Variants in ERBB4 observed in about 807,000 individuals in gnomAD.
ERBB4 encodes erb-b2 receptor tyrosine kinase 4.
ERBB4 carries 42 observed loss-of-function variants against 158.0 expected under a neutral mutation model. The observed-to-expected ratio is 0.27, with a 90% CI of 0.21 to 0.34. The LOEUF is 0.34. Among genes scored for constraint, ERBB4 ranks in the 10% least tolerant of loss-of-function variants. The pLI, the probability that ERBB4 is intolerant of heterozygous loss-of-function variation, is 1.00. For missense variants in ERBB4, 1,333 were observed against 1,624.1 expected (o/e 0.82, Z 3.08); for synonymous variants, 583 against 558.7 (o/e 1.04, Z -0.61).
intron 3 of ERBB4, among the ~76,000 whole-genome samples, chr2:211,830,082 C>T (rs2077186978): frequency 6.6e-6 from 1 of 152,182 alleles, no homozygotes; most frequent in Non-Finnish European, 1.5e-5. Context: ...CCTATCCTAA[C>T]ACTAGCACAC....
rs2125303285 is a variant in ERBB4 at position 211,381,757 on chromosome 2, TA to T, written c.*1857del. ...TTTCTCTAAACTTTCTCTGCCTTAA[TA>T]GATATTTTTACTCTAATTAATTAAT... On this transcript the variant is annotated 3_prime_UTR_variant, in exon 28 of 28. Transcript: ENST00000342788. 1 of 231,046 alleles carries T rather than the reference TA, an allele frequency of 4.3e-6. No homozygotes were observed. Among genetic ancestry groups the T allele is most frequent in the East Asian group, 6.2e-5 (1 of 16,222 alleles). The allele number at this position is 231,046 out of a possible 1,614,324, so 14.3% of individuals were successfully genotyped here.
At chr2:211,955,416 T>C (rs927564092) in intron 2 of ERBB4, among the ~76,000 whole-genome samples, 3 of 152,004 alleles carry the variant, frequency 2.0e-5, no homozygotes, top group Admixed American at 2.0e-4. Flanking sequence ...GGGTTAATAG[T>C]CCCCCTTCAG....
At chr2:211,752,431 A>G (rs1241808975) in intron 4 of ERBB4, among the ~76,000 whole-genome samples, 3 of 150,600 alleles carry the variant, frequency 2.0e-5, no homozygotes, top group Non-Finnish European at 4.4e-5. Flanking sequence ...TTATTTAATT[A>G]TGTTTGGGGC....
chr2:211,679,469 G>A lies in ERBB4; in HGVS notation c.1490-285C>T, dbSNP rs551047898. On this transcript the variant is annotated intron_variant, in intron 12 of 27. Coordinates refer to ENST00000342788, the MANE Select transcript of ERBB4 (RefSeq NM_005235.3). The stretch of plus-strand genomic sequence containing the variant: ...GGAGGACAGGTGATATAAATTATCT[G>A]TCCAAGCTAAAGAATAAACCACACT... Among the ~76,000 whole-genome samples, 112 of 152,192 alleles carry A rather than the reference G, an allele frequency of 7.4e-4. 4 individuals are homozygous for A. In the South Asian group the frequency reaches 0.021, roughly 28 times the overall value.
chr2:211,836,400 G>C (rs1004425285), intron 3 of ERBB4, among the ~76,000 whole-genome samples: 7 of 152,052 alleles, frequency 4.6e-5, no homozygotes, highest in African/African-American at 1.7e-4. Context: ...GTTACACAGA[G>C]AGCATTCTTC....
intron 3 of ERBB4, among the ~76,000 whole-genome samples, chr2:211,936,888 T>G (rs1461505756): frequency 3.3e-5 from 5 of 152,148 alleles, no homozygotes. Flanking sequence ...TATTTCCTGA[T>G]AGATACAGAT....
chr2:211,378,428 C>T lies in ERBB4; in HGVS notation c.*5187G>A, dbSNP rs911970866. 13 of 232,288 alleles carry T rather than the reference C, an allele frequency of 5.6e-5. No individual in the cohort carries two copies. Among genetic ancestry groups the T allele is most frequent in the East Asian group, 2.4e-4 (4 of 16,510 alleles). 14.4% of individuals were successfully genotyped at this position (232,288 alleles called of 1,614,324 possible). The stretch of plus-strand genomic sequence containing the variant: ...TCTACAAAATCAGTGAGACTTGAAC[C>T]GAGTATCTGAAATTTCTATTATTTT... On this transcript the variant is annotated 3_prime_UTR_variant, in exon 28 of 28. Transcript: ENST00000342788.
chr2:212,436,377 GACTGACATCC>G (rs2092137711), intron 1 of ERBB4, among the ~76,000 whole-genome samples: 1 of 152,006 alleles, frequency 6.6e-6, no homozygotes, highest in African/African-American at 2.4e-5. Context: ...AAGTAGGCAT[GACTGACATCC>G]ACCAAATATG....
chr2:212,387,465 T>TC (rs2090716448), intron 1 of ERBB4, among the ~76,000 whole-genome samples: 1 of 118,826 alleles, frequency 8.4e-6, no homozygotes, highest in Non-Finnish European at 1.7e-5. Context: ...TTTTTTTTTT[T>TC]CTTTTTTTGA....
At chr2:211,408,088 A>AAAAT (rs75487528) in intron 25 of ERBB4, among the ~76,000 whole-genome samples, 4 of 151,986 alleles carry the variant, frequency 2.6e-5, no homozygotes, top group South Asian at 2.1e-4. Flanking sequence ...ATGGATTTGT[A>AAAAT]AAATAAATAA....
At chr2:211,565,571 A>G (rs1016034356) in intron 19 of ERBB4, among the ~76,000 whole-genome samples, 1 of 152,118 alleles carries the variant, frequency 6.6e-6, no homozygotes, top group African/African-American at 2.4e-5. Flanking sequence ...AAAGTATTTC[A>G]CTTTTTTATA....
chr2:211,878,657 G>GTTT (rs56379006), intron 3 of ERBB4, among the ~76,000 whole-genome samples: 10 of 133,894 alleles, frequency 7.5e-5, no homozygotes, highest in Non-Finnish European at 9.2e-5. Flanking sequence ...ATTAAGTTTT[G>GTTT]TTTTTTTTTT....
intron 3 of ERBB4, among the ~76,000 whole-genome samples, chr2:211,916,202 C>T (rs1165842086): frequency 5.3e-5 from 8 of 151,870 alleles, no homozygotes; most frequent in African/African-American, 1.9e-4. Flanking sequence ...TATTTTGAGA[C>T]AGAGTCTCGC....
intron 1 of ERBB4, among the ~76,000 whole-genome samples, chr2:212,452,196 C>T (rs914673714): frequency 1.4e-4 from 21 of 151,928 alleles, no homozygotes; most frequent in Admixed American, 1.2e-3. Context: ...GCCTAATGAC[C>T]TTGCATATTT....
chr2:211,963,874 G>T (rs1040152427), intron 2 of ERBB4, among the ~76,000 whole-genome samples: 1 of 152,060 alleles, frequency 6.6e-6, no homozygotes, highest in African/African-American at 2.4e-5. Context: ...GAAAGGTTAT[G>T]TTTTATAGTC....
intron 1 of ERBB4, among the ~76,000 whole-genome samples, chr2:212,422,276 G>A (rs979270167): frequency 1.2e-4 from 18 of 152,204 alleles, no homozygotes; most frequent in African/African-American, 3.9e-4. Context: ...AGGCCAAGGC[G>A]GGTGGATAAC....
chr2:211,856,678 C>T (rs950666595), intron 3 of ERBB4, among the ~76,000 whole-genome samples: 5 of 152,206 alleles, frequency 3.3e-5, no homozygotes, highest in South Asian at 2.1e-4. Context: ...TGAGCCACTG[C>T]GCCCAGCCTA....
chr2:212,082,686 T>A lies in ERBB4; in HGVS notation c.234+42066A>T, dbSNP rs890451789. Among the ~76,000 whole-genome samples the A allele has an allele frequency of 9.2e-5, 14 of 152,178 alleles. No homozygotes were observed. In the East Asian group the frequency reaches 2.5e-3, roughly 27 times the overall value. ...ATTTTTGACAGAGATTTTTAAAGTT[T>A]TATGAACAATTTTGATGTCCCTAAA... On this transcript the variant is annotated intron_variant, in intron 2 of 27. Transcript: ENST00000342788.
intron 20 of ERBB4, among the ~76,000 whole-genome samples, chr2:211,479,266 C>T (rs1474077170): frequency 6.6e-6 from 1 of 152,154 alleles, no homozygotes; most frequent in Non-Finnish European, 1.5e-5. Flanking sequence ...CTAAATAGCT[C>T]CCCTCTATTT....
Sources: gnomAD v4.1 joint callset for allele counts (sites outside exome capture counted in the v4.1 genomes callset) on GRCh38, gnomAD v4.1.1 for gene constraint, MANE v1.5 for transcripts, NCBI Gene and HGNC (gene_info 2026-07-23, HGNC 2026-07-21) for gene names.